SCRT2: variants seen among roughly 807,000 people sequenced by gnomAD.
SCRT2 encodes transcriptional repressor scratch 2.
Under a neutral mutation model 3.7 loss-of-function variants are expected in SCRT2, and 2 were observed. That is an observed-to-expected ratio of 0.54 (90% CI 0.22 to 1.70). The LOEUF (loss-of-function observed/expected upper bound fraction) is 1.70, where lower values mean the gene tolerates loss of function less well. Among genes scored for constraint, SCRT2 ranks in the 40% most tolerant of loss-of-function variants. SCRT2 has a pLI of 0.19. For synonymous variants in SCRT2, 256 were observed against 220.6 expected, an observed-to-expected ratio of 1.16 and a Z score of -1.42; for missense variants, 456 against 468.5, an observed-to-expected ratio of 0.97 and a Z score of 0.25.
chr20:668,189 T>C (rs1984216748), intron 1 of SCRT2, among the ~76,000 whole-genome samples: 1 of 151,994 alleles, frequency 6.6e-6, no homozygotes, highest in African/African-American at 2.4e-5. Context: ...TATTCCTGTG[T>C]TTCCTGGTGA....
Position 675,535 on chromosome 20 carries a change from G to A in SCRT2, c.67C>T (p.Pro23Ser). ...DGFQCSGVPA[P>S]TYHPLETAYV... The stretch of plus-strand genomic sequence containing the variant: ...GCTGTCTCCAAGGGGTGGTAGGTGG[G>A]GGCCGGCACCCCGCTGCACTGGAAG... The change falls in exon 1 of 2, where the codon CCC becomes TCC. Residue 23 changes from proline (P) to serine (S), a missense_variant. This residue lies in a region of SCRT2 where 306 missense variants were observed against 305.3 expected (regional missense o/e 1.00). Coordinates refer to ENST00000246104, the MANE Select transcript of SCRT2 (RefSeq NM_033129.4). This position sits in a 1 kb window ranked among gnomAD's most constrained non-coding sequence, Gnocchi z 6.9. 1 of 1,398,730 alleles carries A rather than the reference G, an allele frequency of 7.1e-7. No individual in the cohort carries two copies. Among genetic ancestry groups the A allele is most frequent in the Non-Finnish European group, 9.3e-7 (1 of 1,072,302 alleles). 86.6% of individuals were successfully genotyped at this position (1,398,730 alleles called of 1,614,324 possible). A position where few individuals can be genotyped will look rare whatever the true frequency, so the allele number is the denominator to read the frequency against.
At position 664,195 on chromosome 20, in the gene SCRT2, CT is replaced by C; in HGVS notation, c.399del (p.Asp134ThrfsTer37). 2 of 1,107,162 alleles carry C rather than the reference CT, an allele frequency of 1.8e-6. No homozygotes were observed. The highest frequency in any genetic ancestry group is 2.2e-6 in the Non-Finnish European group (2 of 907,766). 68.6% of individuals were successfully genotyped at this position (1,107,162 alleles called of 1,614,324 possible). A position where few individuals can be genotyped will look rare whatever the true frequency, so the allele number is the denominator to read the frequency against. On this transcript the variant is annotated frameshift_variant, in exon 2 of 2. Transcript: ENST00000246104. LOFTEE classifies it low-confidence loss of function (END_TRUNC). This position sits in a 1 kb window ranked among gnomAD's most constrained non-coding sequence, Gnocchi z 7.9. ...GGGGGDAGGS[G>X]DAGGAGGRAG... ...GCGCGCCCCCCGGCGCCCCCCGCGT[CT>C]CCCGAGCCCCCCGCGTCCCCGCCGC...
Position 675,482 on chromosome 20 carries a change from A to G in SCRT2, c.120T>C (p.Pro40=). Residue 40 remains proline (P), a synonymous_variant, in exon 1 of 2, where the codon CCT becomes CCC. Transcript: ENST00000246104. The surrounding 1 kb of genome is among the most constrained non-coding windows in gnomAD (Gnocchi z 6.9). The part of the protein sequence containing the change: ...TAYVLPGARG[P]PGDNGYAPHR... ...GGTCCCACTCACCGTTGTCCCCGGG[A>G]GGCCCCCGGGCGCCAGGCAGCACGT... The G allele has an allele frequency of 1.5e-6, 2 of 1,350,530 alleles. No homozygotes were observed. The highest frequency in any genetic ancestry group is 3.5e-5 in the Admixed American group (1 of 28,816). The allele number at this position is 1,350,530 out of a possible 1,614,324, so 83.7% of individuals were successfully genotyped here. A position where few individuals can be genotyped will look rare whatever the true frequency, so the allele number is the denominator to read the frequency against.
At position 663,638 on chromosome 20, in the gene SCRT2, G is replaced by C. The variant is rs1205694148; in HGVS notation, c.*33C>G. The stretch of plus-strand genomic sequence containing the variant: ...GTAGGGGGCCCGGGGCGCGTGGAGA[G>C]CGAGTTCCGGGCGCGAGGGCGAGGC... On this transcript the variant is annotated 3_prime_UTR_variant, in exon 2 of 2. Coordinates refer to ENST00000246104, the MANE Select transcript of SCRT2 (RefSeq NM_033129.4). The surrounding 1 kb of genome is among the most constrained non-coding windows in gnomAD (Gnocchi z 6.9). The C allele has an allele frequency of 2.2e-6, 3 of 1,369,846 alleles. No individual in the cohort carries two copies. Among genetic ancestry groups the C allele is most frequent in the African/African-American group, 3.1e-5 (2 of 65,246 alleles). 84.9% of individuals were successfully genotyped at this position (1,369,846 alleles called of 1,614,324 possible). A position where few individuals can be genotyped will look rare whatever the true frequency, so the allele number is the denominator to read the frequency against.
intron 1 of SCRT2, among the ~76,000 whole-genome samples, chr20:674,470 T>A (rs1012846248): frequency 2.7e-5 from 4 of 148,044 alleles, no homozygotes; most frequent in African/African-American, 1.0e-4. Flanking sequence ...TGATGTCAGA[T>A]CTCTCACTAC....
Position 675,644 on chromosome 20 carries a change from G to T in SCRT2, c.-43C>A. On this transcript the variant is annotated 5_prime_UTR_variant, in exon 1 of 2. Coordinates refer to ENST00000246104, the MANE Select transcript of SCRT2 (RefSeq NM_033129.4). The surrounding 1 kb of genome is among the most constrained non-coding windows in gnomAD (Gnocchi z 6.9). ...GCTCGGTGCGGGGAGGCGGCCGGCC[G>T]GGCGCGATCGGCTGTGTCCGCGCGG... 1.6e-6 allele frequency: 2 copies of T among 1,239,324 alleles called. No homozygotes were observed. The highest frequency in any genetic ancestry group is 7.1e-5 in the South Asian group (2 of 28,310). The allele number at this position is 1,239,324 out of a possible 1,614,324, so 76.8% of individuals were successfully genotyped here. A position where few individuals can be genotyped will look rare whatever the true frequency, so the allele number is the denominator to read the frequency against.
chr20:664,231 G>A lies in SCRT2; in HGVS notation c.364C>T (p.Arg122Trp). ...FISDGRSRRRRGGGGGDAGGS... is the reference protein window; with the variant it reads ...FISDGRSRRRWGGGGGDAGGS... Reference sequence around the variant, plus strand: ...CCCGCGTCCCCGCCGCCCCCGCCCCGCCGCCGCCGCGAGCGCCCGTCCGAG... The same window carrying A: ...CCCGCGTCCCCGCCGCCCCCGCCCCACCGCCGCCGCGAGCGCCCGTCCGAG... The change falls in exon 2 of 2, where the codon CGG becomes TGG. Residue 122 changes from arginine (R) to tryptophan (W), a missense_variant. Coordinates refer to ENST00000246104, the MANE Select transcript of SCRT2 (RefSeq NM_033129.4). This position sits in a 1 kb window ranked among gnomAD's most constrained non-coding sequence, Gnocchi z 7.9. 4.5e-6 allele frequency: 4 copies of A among 889,860 alleles called. No homozygotes were observed. Among genetic ancestry groups the A allele is most frequent in the South Asian group, 3.2e-5 (1 of 31,194 alleles). The allele number at this position is 889,860 out of a possible 1,614,324, so 55.1% of individuals were successfully genotyped here.
At position 663,713 on chromosome 20, in the gene SCRT2, C is replaced by G. The variant is rs1984042311; in HGVS notation, c.882G>C (p.Ala294=). 1 of 1,524,962 alleles carries G rather than the reference C, an allele frequency of 6.6e-7. No homozygotes were observed. The highest frequency in any genetic ancestry group is 2.5e-5 in the East Asian group (1 of 39,532). The allele number at this position is 1,524,962 out of a possible 1,614,324, so 94.5% of individuals were successfully genotyped here. Residue 294 remains alanine (A), a synonymous_variant, in exon 2 of 2, where the codon GCG becomes GCC. Transcript: ENST00000246104. The surrounding 1 kb of genome is among the most constrained non-coding windows in gnomAD (Gnocchi z 6.9). The part of the protein sequence containing the change: ...HKHCEAACAK[A]AEPPPPTPAG... Reference sequence around the variant, plus strand: ...CGGGGGTCGGCGGGGGTGGCTCGGCCGCCTTGGCGCAGGCCGCCTCGCAGT... The same window carrying G: ...CGGGGGTCGGCGGGGGTGGCTCGGCGGCCTTGGCGCAGGCCGCCTCGCAGT...
chr20:663,674 G>A lies in SCRT2; in HGVS notation c.921C>T (p.Ser307=). 2 of 1,491,358 alleles carry A rather than the reference G, an allele frequency of 1.3e-6. No homozygotes were observed. Among genetic ancestry groups the A allele is most frequent in the South Asian group, 1.3e-5 (1 of 79,570 alleles). The allele number at this position is 1,491,358 out of a possible 1,614,324, so 92.4% of individuals were successfully genotyped here. The change falls in exon 2 of 2, where the codon AGC becomes AGT. Residue 307 remains serine (S), a synonymous_variant. Coordinates refer to ENST00000246104, the MANE Select transcript of SCRT2 (RefSeq NM_033129.4). The surrounding 1 kb of genome is among the most constrained non-coding windows in gnomAD (Gnocchi z 6.9). ...GCGCGAGGGCGAGGCGGAAGGCTCA[G>A]CTGGCCGGGCCGGCGGGGGTCGGCG... ...PPPPTPAGPA[S]
In SCRT2 at chr20:675,351, A is replaced by G; in HGVS notation, c.133+118T>C. 1 of 868,560 alleles carries G rather than the reference A, an allele frequency of 1.2e-6. No individual in the cohort carries two copies. The highest frequency in any genetic ancestry group is 1.5e-6 in the Non-Finnish European group (1 of 651,674). The allele number at this position is 868,560 out of a possible 1,614,324, so 53.8% of individuals were successfully genotyped here. ...GCCCGGGAGGAGCCCACGGCCAGAG[A>G]GATCTCCTCCCGGGGGTTTCCTGTC... On this transcript the variant is annotated intron_variant, in intron 1 of 1. Transcript: ENST00000246104. This position sits in a 1 kb window ranked among gnomAD's most constrained non-coding sequence, Gnocchi z 6.9.
Position 664,466 on chromosome 20 carries a change from A to AG in SCRT2, c.134-6dup. The AG allele has an allele frequency of 1.6e-6, 2 of 1,252,116 alleles. No homozygotes were observed. The highest frequency in any genetic ancestry group is 3.2e-5 in the South Asian group (1 of 31,600). The allele number at this position is 1,252,116 out of a possible 1,614,324, so 77.6% of individuals were successfully genotyped here. A position where few individuals can be genotyped will look rare whatever the true frequency, so the allele number is the denominator to read the frequency against. ...GCAGGCGGTGCGGGGCGTACCCTGG[A>AG]GGGGGCGAGAAGTGGAGGGGCGGTG... is the stretch of plus-strand genomic sequence containing the variant. On this transcript the variant is annotated splice_polypyrimidine_tract_variant and splice_region_variant and intron_variant, in intron 1 of 1. Transcript: ENST00000246104. This position sits in a 1 kb window ranked among gnomAD's most constrained non-coding sequence, Gnocchi z 7.9.
rs990938914 is a variant in SCRT2 at position 667,684 on chromosome 20, G to T, written c.134-3223C>A. On this transcript the variant is annotated intron_variant, in intron 1 of 1. Transcript: ENST00000246104. The surrounding 1 kb of genome is among the most constrained non-coding windows in gnomAD (Gnocchi z 4.4). ...AGAAATAGGGGTGCCTTCAACAAAGGCTGCTCATTTGCCTAGGGAGGGCTG... is the reference window on the plus strand; with the variant it reads ...AGAAATAGGGGTGCCTTCAACAAAGTCTGCTCATTTGCCTAGGGAGGGCTG... Among the ~76,000 whole-genome samples the T allele has an allele frequency of 6.6e-6, 1 of 152,128 alleles. No individual in the cohort carries two copies. Among genetic ancestry groups the T allele is most frequent in the Non-Finnish European group, 1.5e-5 (1 of 68,028 alleles).
Position 665,471 on chromosome 20 carries a change from C to G in SCRT2, c.134-1010G>C, listed in dbSNP as rs1984128085. On this transcript the variant is annotated intron_variant, in intron 1 of 1. Transcript: ENST00000246104. The surrounding 1 kb of genome is among the most constrained non-coding windows in gnomAD (Gnocchi z 5.0). ...AGTCCGCAGTGAGAATTCCCCTCCC[C>G]CTCCTCCTCCCACTTAGCTGGAGTT... is the stretch of plus-strand genomic sequence containing the variant. Among the ~76,000 whole-genome samples the G allele has an allele frequency of 6.6e-6, 1 of 152,200 alleles. No individual in the cohort carries two copies. Among genetic ancestry groups the G allele is most frequent in the Non-Finnish European group, 1.5e-5 (1 of 68,028 alleles).
chr20:675,721 G>T lies in SCRT2; in HGVS notation c.-120C>A. ...GGGCTGGAGCGCGGGAGGCCGCTCGGAGCCGGCACCGGTGGCGGCGGCCCC... is the reference window on the plus strand; with the variant it reads ...GGGCTGGAGCGCGGGAGGCCGCTCGTAGCCGGCACCGGTGGCGGCGGCCCC... On this transcript the variant is annotated 5_prime_UTR_variant, in exon 1 of 2. Transcript: ENST00000246104. This position sits in a 1 kb window ranked among gnomAD's most constrained non-coding sequence, Gnocchi z 6.9. 1.5e-6 allele frequency: 1 copy of T among 657,534 alleles called. No individual in the cohort carries two copies. The highest frequency in any genetic ancestry group is 2.1e-6 in the Non-Finnish European group (1 of 486,126). 40.7% of individuals were successfully genotyped at this position (657,534 alleles called of 1,614,324 possible).
chr20:664,391 CG>C lies in SCRT2; in HGVS notation c.203del (p.Pro68ArgfsTer35). 1 of 1,406,342 alleles carries C rather than the reference CG, an allele frequency of 7.1e-7. No homozygotes were observed. Among genetic ancestry groups the C allele is most frequent in the Non-Finnish European group, 9.4e-7 (1 of 1,067,346 alleles). The allele number at this position is 1,406,342 out of a possible 1,614,324, so 87.1% of individuals were successfully genotyped here. A position where few individuals can be genotyped will look rare whatever the true frequency, so the allele number is the denominator to read the frequency against. On this transcript the variant is annotated frameshift_variant, in exon 2 of 2. Coordinates refer to ENST00000246104, the MANE Select transcript of SCRT2 (RefSeq NM_033129.4). LOFTEE classifies it low-confidence loss of function (END_TRUNC). This position sits in a 1 kb window ranked among gnomAD's most constrained non-coding sequence, Gnocchi z 7.9. ...CCGCCGGCGGGTACGCGGGCTCGGC[CG>C]GGGCCAGCTCCAGGCCCGGCTTCTG... ...ADQKPGLELA[P>X]AEPAYPPAAP... is the part of the protein sequence containing the mutation.
rs1984197727 is a variant in SCRT2 at position 667,665 on chromosome 20, AG to A, written c.134-3205del. On this transcript the variant is annotated intron_variant, in intron 1 of 1. Coordinates refer to ENST00000246104, the MANE Select transcript of SCRT2 (RefSeq NM_033129.4). This position sits in a 1 kb window ranked among gnomAD's most constrained non-coding sequence, Gnocchi z 4.4. ...TGCAAGGGGCTCTTTATGAAGAAAT[AG>A]GGGTGCCTTCAACAAAGGCTGCTCA... Among the ~76,000 whole-genome samples, 1 of 152,138 alleles carries A rather than the reference AG, an allele frequency of 6.6e-6. No homozygotes were observed. The highest frequency in any genetic ancestry group is 2.4e-5 in the African/African-American group (1 of 41,446).
At chr20:669,641 T>C (rs572065224) in intron 1 of SCRT2, among the ~76,000 whole-genome samples, 4 of 152,038 alleles carry the variant, frequency 2.6e-5, no homozygotes, top group Non-Finnish European at 5.9e-5. Flanking sequence ...GCTGTATGGG[T>C]ATATTTAGAG....
chr20:672,939 C>T (rs1275086637), intron 1 of SCRT2, among the ~76,000 whole-genome samples: 1 of 152,068 alleles, frequency 6.6e-6, no homozygotes, highest in African/African-American at 2.4e-5. Flanking sequence ...AGCCGGCGGG[C>T]TCTCAGCAGA....
In SCRT2 at chr20:663,935, G is replaced by A. The variant is rs1348153134; in HGVS notation, c.660C>T (p.Ala220=). Reference sequence around the variant, plus strand: ...CCTGCAGCAGCCAGGGCCGCGAGAAGGCCTTGCCGCAGACGCCGCACTTGT... The same window carrying A: ...CCTGCAGCAGCCAGGGCCGCGAGAAAGCCTTGCCGCAGACGCCGCACTTGT... ...LRHKCGVCGK[A]FSRPWLLQGH... is the part of the protein sequence containing the mutation. The change falls in exon 2 of 2, where the codon GCC becomes GCT. Residue 220 remains alanine, a synonymous_variant. Transcript: ENST00000246104. This position sits in a 1 kb window ranked among gnomAD's most constrained non-coding sequence, Gnocchi z 6.9. 27 of 1,608,824 alleles carry A rather than the reference G, an allele frequency of 1.7e-5. No individual in the cohort carries two copies. The highest frequency in any genetic ancestry group is 2.3e-5 in the Non-Finnish European group (27 of 1,179,428).
Sources: gnomAD v4.1 joint callset for allele counts (sites outside exome capture counted in the v4.1 genomes callset) on GRCh38, gnomAD v4.1.1 for gene constraint, gnomAD v4.1.1 regional missense constraint, Gnocchi (gnomAD v3.1) non-coding constraint, MANE v1.5 for transcripts, NCBI Gene and HGNC (gene_info 2026-07-23, HGNC 2026-07-21) for gene names.